LYST: variants seen among roughly 807,000 people sequenced by gnomAD.
LYST encodes the protein lysosomal-trafficking regulator.
In LYST, 192 loss-of-function variants were observed where a neutral mutation model predicts 413.6. The observed-to-expected ratio is 0.46, with a 90% CI of 0.41 to 0.52. The LOEUF (loss-of-function observed/expected upper bound fraction) is 0.52, where lower values mean the gene tolerates loss of function less well. LYST is among the 20% of genes least tolerant of loss of function. The pLI is 0.00. For synonymous variants in LYST, 1,525 were observed against 1,567.3 expected (o/e 0.97, Z 0.64); for missense variants, 3,815 against 4,499.9 (o/e 0.85, Z 4.35).
chr1:235,711,010 A>G (rs761049147), intron 43 of LYST, among the ~76,000 whole-genome samples: 2 of 152,222 alleles, frequency 1.3e-5, no homozygotes, highest in Non-Finnish European at 2.9e-5. Context: ...AGGCAACAGC[A>G]TGAGACACCC....
intron 17 of LYST, among the ~76,000 whole-genome samples, chr1:235,775,815 CTT>C (rs1669178475): frequency 6.6e-6 from 1 of 152,022 alleles, no homozygotes; most frequent in African/African-American, 2.4e-5. Context: ...CAGGTTGCCT[CTT>C]TGGCTGGATT....
intron 48 of LYST, among the ~76,000 whole-genome samples, chr1:235,681,909 T>A (rs1426801984): frequency 2.0e-5 from 3 of 152,198 alleles, no homozygotes; most frequent in Non-Finnish European, 4.4e-5. Context: ...CTTGACTAGC[T>A]GTTCCAATGA....
At chr1:235,750,159 T>C (rs1269299595) in intron 28 of LYST, among the ~76,000 whole-genome samples, 2 of 152,146 alleles carry the variant, frequency 1.3e-5, no homozygotes, top group Non-Finnish European at 2.9e-5. Flanking sequence ...GCACTAATGC[T>C]AGAACTGATA....
At chr1:235,763,617 C>CT (rs1215247667) in intron 21 of LYST, among the ~76,000 whole-genome samples, 7 of 134,164 alleles carry the variant, frequency 5.2e-5, no homozygotes, top group Admixed American at 8.0e-5. Flanking sequence ...CGCCCAGCAA[C>CT]TTTTTTTTTC....
intron 1 of LYST, among the ~76,000 whole-genome samples, chr1:235,856,461 C>A (rs1679203587): frequency 6.6e-6 from 1 of 152,132 alleles, no homozygotes; most frequent in Non-Finnish European, 1.5e-5. Context: ...AAAACAAAAA[C>A]TAGATGATCT....
At chr1:235,869,458 C>T (rs943044499), upstream of LYST, among the ~76,000 whole-genome samples, 3 of 151,694 alleles carry the variant, frequency 2.0e-5, no homozygotes, top group Middle Eastern at 3.4e-3. Context: ...GGTGAAAGAG[C>T]GAGACTCCGT....
intron 16 of LYST, 132 bp from the exon 17 acceptor site, chr1:235,777,440 A>G: frequency 1.4e-6 from 1 of 728,692 alleles, no homozygotes; most frequent in Non-Finnish European, 2.3e-6. Flanking sequence ...AACAGCTACT[A>G]CACTAAACAG....
At chr1:235,744,892 CAA>C (rs11354334) in intron 29 of LYST, among the ~76,000 whole-genome samples, 6 of 115,128 alleles carry the variant, frequency 5.2e-5, no homozygotes, top group African/African-American at 8.6e-5. Flanking sequence ...GAACCCATCT[CAA>C]AAAAAAAAAG....
intron 11 of LYST, 136 bp from the exon 12 acceptor site, chr1:235,792,261 C>CCCACA (rs1671083505): frequency 3.1e-6 from 2 of 638,286 alleles, no homozygotes; most frequent in African/African-American, 3.7e-5. Flanking sequence ...CTTCCTATCT[C>CCCACA]CCACATCTTT....
chr1:235,709,153 C>T lies in LYST; in HGVS notation c.10081G>A (p.Val3361Met). 3 of 1,614,142 alleles carry T rather than the reference C, an allele frequency of 1.9e-6. No homozygotes were observed. The highest frequency in any genetic ancestry group is 2.5e-6 in the Non-Finnish European group (3 of 1,180,020). The change falls in exon 44 of 53, where the codon GTG becomes ATG. Residue 3361 changes from valine (V) to methionine (M), a missense_variant. Val to Met is a conservative substitution (Grantham distance 21). Coordinates refer to ENST00000389793, the MANE Select transcript of LYST (RefSeq NM_000081.4). ...TTCCCCTTTTGCTTATACCCAAACA[C>T]CAAGTCAATCCACTGACAGATGTTC... Reference protein sequence around the residue: ...SQNICQWIDLVFGYKQKGKAS... With the variant: ...SQNICQWIDLMFGYKQKGKAS...
At chr1:235,864,024 C>A (rs1012660790) in intron 1 of LYST, among the ~76,000 whole-genome samples, 1 of 152,168 alleles carries the variant, frequency 6.6e-6, no homozygotes, top group Non-Finnish European at 1.5e-5. Context: ...TGTCTGATCG[C>A]CCTGGCCTGT....
intron 38 of LYST, among the ~76,000 whole-genome samples, chr1:235,725,237 C>T (rs764783720): frequency 1.3e-5 from 2 of 152,050 alleles, no homozygotes; most frequent in Non-Finnish European, 2.9e-5. Flanking sequence ...AGTTCAAGAC[C>T]AGCTTGGCCA....
rs141317482 is a variant in LYST at position 235,830,422 on chromosome 1, G to C, written c.-5C>G. On this transcript the variant is annotated splice_region_variant and 5_prime_UTR_variant, in exon 3 of 53. Coordinates refer to ENST00000389793, the MANE Select transcript of LYST (RefSeq NM_000081.4). ...TGAGTTACTGTCGGTGCTCATGACC[G>C]AGCTATAAAATAAGTATTACAAAAA... 1.2e-6 allele frequency: 2 copies of C among 1,603,594 alleles called. No homozygotes were observed. Among genetic ancestry groups the C allele is most frequent in the African/African-American group, 1.3e-5 (1 of 74,264 alleles).
intron 34 of LYST, 142 bp downstream of exon 34, chr1:235,733,361 A>T: frequency 1.4e-6 from 1 of 738,608 alleles, no homozygotes; most frequent in Non-Finnish European, 2.3e-6. Flanking sequence ...CTTTAAGATG[A>T]AAAAAACATC....
chr1:235,696,699 T>A (rs1026473285), intron 46 of LYST, among the ~76,000 whole-genome samples: 4 of 152,208 alleles, frequency 2.6e-5, no homozygotes, highest in African/African-American at 9.7e-5. Flanking sequence ...TTCAAGGCTA[T>A]CTCGACATCC....
chr1:235,756,139 C>T (rs778449011), intron 24 of LYST, among the ~76,000 whole-genome samples: 1 of 151,852 alleles, frequency 6.6e-6, no homozygotes, highest in Non-Finnish European at 1.5e-5. Flanking sequence ...CCTGAATTTC[C>T]ACCCTTCTCT....
At chr1:235,776,973 T>G (rs1669319004) in intron 17 of LYST, 90 bp downstream of exon 17, 1 of 1,183,626 alleles carries the variant, frequency 8.4e-7, no homozygotes. Context: ...CGAGTGTAGC[T>G]TTTTCGTGTG....
At chr1:235,787,511 A>G in intron 13 of LYST, 138 bp from the exon 14 acceptor site, 1 of 739,320 alleles carries the variant, frequency 1.4e-6, no homozygotes, top group Non-Finnish European at 2.3e-6. Context: ...TTGAAAAGTC[A>G]GTAGGTCTTC....
chr1:235,786,889 G>C (rs976889779), intron 14 of LYST, among the ~76,000 whole-genome samples: 2 of 130,152 alleles, frequency 1.5e-5, no homozygotes, highest in African/African-American at 5.9e-5. Flanking sequence ...TCACACACTG[G>C]GGCCTGTCGT....
Sources: gnomAD v4.1 joint callset for allele counts (sites outside exome capture counted in the v4.1 genomes callset) on GRCh38, gnomAD v4.1.1 for gene constraint, MANE v1.5 for transcripts, NCBI Gene and HGNC (gene_info 2026-07-23, HGNC 2026-07-21) for gene names.